The following EPM2A variants were observed in gnomAD, a reference collection of about 807,000 sequenced individuals.
EPM2A encodes the protein laforin.
In EPM2A, 21 loss-of-function variants were observed where a neutral mutation model predicts 26.5. The observed-to-expected ratio is 0.79, with a 90% CI of 0.56 to 1.14. The LOEUF (loss-of-function observed/expected upper bound fraction) is 1.14, where lower values mean the gene tolerates loss of function less well. Ranked by LOEUF, EPM2A falls within the 50% of genes most tolerant of loss-of-function variation. EPM2A has a pLI of 0.00. For missense variants in EPM2A, 458 were observed against 440.8 expected, an observed-to-expected ratio of 1.04 and a Z score of -0.35; for synonymous variants, 217 against 177.6, an observed-to-expected ratio of 1.22 and a Z score of -1.76.
At chr6:145,409,853 T>C (rs1778620729) in intron 4 of EPM2A, among the ~76,000 whole-genome samples, 1 of 152,210 alleles carries the variant, frequency 6.6e-6, no homozygotes, top group East Asian at 1.9e-4. Flanking sequence ...TTGGTTCCTA[T>C]CCATATTGAC....
intron 1 of EPM2A, among the ~76,000 whole-genome samples, chr6:145,687,729 G>T (rs1304820250): frequency 6.6e-6 from 1 of 151,976 alleles, no homozygotes; most frequent in African/African-American, 2.4e-5. Flanking sequence ...TAAATTATTT[G>T]ATGTTTCTTT....
intron 4 of EPM2A, among the ~76,000 whole-genome samples, chr6:145,484,027 T>C (rs527396385): frequency 6.6e-6 from 1 of 152,252 alleles, no homozygotes; most frequent in South Asian, 2.1e-4. Context: ...TAAAAAGATA[T>C]GTCTATCTTG....
intron 4 of EPM2A, chr6:145,491,956 T>C: frequency 2.2e-6 from 1 of 456,516 alleles, no homozygotes; most frequent in South Asian, 1.7e-5. Context: ...CTTGTGAGCC[T>C]TAAAATGGTG....
At chr6:145,496,133 A>G (rs116775324) in intron 4 of EPM2A, among the ~76,000 whole-genome samples, 12,330 of 152,060 alleles carry the variant, frequency 0.081, 580 homozygotes, top group East Asian at 0.17. Context: ...TTAGCCTCCA[A>G]TTACTTCTGG....
intron 1 of EPM2A, among the ~76,000 whole-genome samples, chr6:145,719,592 T>C (rs987529999): frequency 6.6e-6 from 1 of 152,156 alleles, no homozygotes; most frequent in Admixed American, 6.5e-5. Context: ...CTGCACATTG[T>C]GTACATGTAC....
chr6:145,718,410 A>G (rs1775762567), intron 1 of EPM2A, among the ~76,000 whole-genome samples: 1 of 151,080 alleles, frequency 6.6e-6, no homozygotes, highest in Non-Finnish European at 1.5e-5. Flanking sequence ...AAAACTGGCT[A>G]GCCATATGTA....
chr6:145,719,337 T>C (rs1322934871), intron 1 of EPM2A, among the ~76,000 whole-genome samples: 3 of 149,934 alleles, frequency 2.0e-5, no homozygotes, highest in East Asian at 3.9e-4. Context: ...ATGGATGAAA[T>C]TGGAAATCAT....
At chr6:145,691,566 AT>A (rs1781282783) in intron 1 of EPM2A, among the ~76,000 whole-genome samples, 1 of 152,108 alleles carries the variant, frequency 6.6e-6, no homozygotes, top group African/African-American at 2.4e-5. Flanking sequence ...ATAAGCAAAC[AT>A]TCTAACATTG....
At chr6:145,669,602 G>GA (rs1308967369) in intron 2 of EPM2A, among the ~76,000 whole-genome samples, 4 of 152,108 alleles carry the variant, frequency 2.6e-5, no homozygotes, top group Non-Finnish European at 5.9e-5. Flanking sequence ...TTCTAGCACT[G>GA]AAAAACATCA....
At chr6:145,622,161 T>C (rs1775651027), downstream of EPM2A, among the ~76,000 whole-genome samples, 1 of 152,172 alleles carries the variant, frequency 6.6e-6, no homozygotes, top group African/African-American at 2.4e-5. Context: ...ATATGTCCTT[T>C]AGTAATGTTG....
intron 2 of EPM2A, among the ~76,000 whole-genome samples, chr6:145,677,073 A>T (rs947115584): frequency 1.3e-5 from 2 of 152,220 alleles, no homozygotes; most frequent in Non-Finnish European, 2.9e-5. Flanking sequence ...CACATCAAAA[A>T]GCTTATCCTC....
At chr6:145,662,201 G>T (rs965754919) in intron 2 of EPM2A, among the ~76,000 whole-genome samples, 1 of 152,060 alleles carries the variant, frequency 6.6e-6, no homozygotes, top group Non-Finnish European at 1.5e-5. Context: ...TGTAAGAAAT[G>T]ACTAGGAACA....
intron 2 of EPM2A, among the ~76,000 whole-genome samples, chr6:145,534,124 G>A (rs1383216846): frequency 1.3e-5 from 2 of 152,156 alleles, no homozygotes; most frequent in Non-Finnish European, 2.9e-5. Flanking sequence ...TTCGGTGAAA[G>A]GAGTGGTAAT....
At chr6:145,735,023 T>G (rs1260838674) in intron 1 of EPM2A, 175 bp downstream of exon 1, 1 of 378,424 alleles carries the variant, frequency 2.6e-6, no homozygotes, top group Non-Finnish European at 4.6e-6. Flanking sequence ...GGCGACAGCG[T>G]GGCCGGCAGA....
chr6:145,424,596 T>C (rs766414940), intron 4 of EPM2A, among the ~76,000 whole-genome samples: 1 of 152,222 alleles, frequency 6.6e-6, no homozygotes, highest in Non-Finnish European at 1.5e-5. Flanking sequence ...ATGGTCTCAA[T>C]GTTTATGTCC....
chr6:145,723,438 C>T (rs1378924324), intron 1 of EPM2A, among the ~76,000 whole-genome samples: 1 of 151,968 alleles, frequency 6.6e-6, no homozygotes, highest in Non-Finnish European at 1.5e-5. Context: ...ACACACAGAA[C>T]ACAAAAACAC....
At chr6:145,668,678 A>G (rs1422094193) in intron 2 of EPM2A, among the ~76,000 whole-genome samples, 1 of 152,170 alleles carries the variant, frequency 6.6e-6, no homozygotes, top group Non-Finnish European at 1.5e-5. Flanking sequence ...ATCTCAGAGC[A>G]GTACCTCCAT....
At chr6:145,629,347 A>G (rs1323026994) in intron 3 of EPM2A, 1 of 152,018 alleles carries the variant, frequency 6.6e-6, no homozygotes, top group Non-Finnish European at 1.5e-5. Context: ...AAACCACCAC[A>G]CCTGATTCCA....
intron 2 of EPM2A, chr6:145,682,435 G>A (rs1562484473): frequency 6.6e-6 from 1 of 152,128 alleles, no homozygotes. Context: ...CAAATGTCCT[G>A]AGAAAAAGAT....
Sources: gnomAD v4.1 joint callset for allele counts (sites outside exome capture counted in the v4.1 genomes callset) on GRCh38, gnomAD v4.1.1 for gene constraint, MANE v1.5 for transcripts, NCBI Gene and HGNC (gene_info 2026-07-23, HGNC 2026-07-21) for gene names.